Variants in EYS observed in about 807,000 individuals in gnomAD.
EYS encodes the protein protein eyes shut homolog.
Under a neutral mutation model 282.1 loss-of-function variants are expected in EYS, and 250 were observed. The ratio of observed to expected loss-of-function variants is 0.89; its 90% CI spans 0.80 to 0.98. EYS has a LOEUF of 0.98. Ranked by LOEUF, EYS falls within the 50% of genes least tolerant of loss-of-function variation. The pLI, the probability that EYS is intolerant of heterozygous loss-of-function variation, is 0.00. For missense variants in EYS, 4,016 were observed against 3,709.0 expected (o/e 1.08, Z -2.15); for synonymous variants, 1,355 against 1,282.9 (o/e 1.06, Z -1.20).
intron 19 of EYS, among the ~76,000 whole-genome samples, chr6:64,841,294 C>T (rs980475): frequency 0.56 from 84,684 of 151,834 alleles, 24,325 homozygotes; most frequent in Non-Finnish European, 0.62. Flanking sequence ...CCTAAATATG[C>T]AAATAAATGT....
intron 34 of EYS, among the ~76,000 whole-genome samples, chr6:63,988,636 T>C (rs1322524163): frequency 6.6e-6 from 1 of 151,654 alleles, no homozygotes; most frequent in Non-Finnish European, 1.5e-5. Context: ...GTCTTTAACA[T>C]AAGTCTTTTC....
intron 26 of EYS, among the ~76,000 whole-genome samples, chr6:64,519,998 A>G (rs2150524918): frequency 6.6e-6 from 1 of 151,998 alleles, no homozygotes; most frequent in Non-Finnish European, 1.5e-5. Flanking sequence ...TACTTCTACC[A>G]GAAGCATGGT....
chr6:64,686,940 C>T (rs1405725935), intron 22 of EYS, among the ~76,000 whole-genome samples: 1 of 119,690 alleles, frequency 8.4e-6, no homozygotes, highest in Admixed American at 9.0e-5. Flanking sequence ...TATATATACA[C>T]ATATATATAC....
chr6:64,632,969 G>A (rs1767841956), intron 22 of EYS, among the ~76,000 whole-genome samples: 1 of 152,136 alleles, frequency 6.6e-6, no homozygotes, highest in African/African-American at 2.4e-5. Context: ...ATTTTCAAAT[G>A]TGTAATTTAA....
At chr6:64,460,994 A>G (rs1200187333) in intron 26 of EYS, among the ~76,000 whole-genome samples, 1 of 152,356 alleles carries the variant, frequency 6.6e-6, no homozygotes, top group African/African-American at 2.4e-5. Flanking sequence ...ATAAAAAAGT[A>G]CATGTAATAT....
rs148325421 is a variant in EYS, at chr6:65,330,981, A to G, written c.1766+3999T>C. The G allele has an allele frequency of 6.9e-4, 680 of 984,362 alleles. 2 individuals carry two copies. In the African/African-American group the frequency reaches 9.8e-3, roughly 14 times the overall value. 61.0% of individuals were successfully genotyped at this position (984,362 alleles called of 1,614,324 possible). A position where few individuals can be genotyped will look rare whatever the true frequency, so the allele number is the denominator to read the frequency against. ...AATTTCTCATATATTGAGTTCCCGT[A>G]TATACTCGGGTTGTTGTCAGAGCTC... On this transcript the variant is annotated intron_variant, in intron 11 of 42. Transcript: ENST00000503581.
chr6:64,024,063 C>A (rs1294591939), intron 33 of EYS, among the ~76,000 whole-genome samples: 1 of 152,212 alleles, frequency 6.6e-6, no homozygotes, highest in Non-Finnish European at 1.5e-5. Flanking sequence ...CCGATGAGTG[C>A]CACCCCCTGC....
chr6:65,654,961 G>A lies in EYS; in HGVS notation c.-447-15069C>T, dbSNP rs192095741. Among the ~76,000 whole-genome samples, 257 of 130,346 alleles carry A rather than the reference G, an allele frequency of 2.0e-3. 1 individual carries two copies. In the Middle Eastern group the frequency reaches 0.036, roughly 18 times the overall value. 85.5% of individuals were successfully genotyped at this position (130,346 alleles called of 152,430 possible). A position where few individuals can be genotyped will look rare whatever the true frequency, so the allele number is the denominator to read the frequency against. On this transcript the variant is annotated intron_variant, in intron 1 of 42. Transcript: ENST00000503581. ...ATTAAAATGTGCTTGTCTTCCTGAAGAGTCTGGGTCATTCATTAAAAAAAA... is the reference window on the plus strand; with the variant it reads ...ATTAAAATGTGCTTGTCTTCCTGAAAAGTCTGGGTCATTCATTAAAAAAAA...
At chr6:65,335,525 A>C (rs1769955083) in intron 10 of EYS, among the ~76,000 whole-genome samples, 1 of 151,738 alleles carries the variant, frequency 6.6e-6, no homozygotes, top group East Asian at 1.9e-4. Flanking sequence ...GTTTATACAG[A>C]CAGGACATAA....
chr6:65,267,967 C>T (rs889520361), intron 12 of EYS, among the ~76,000 whole-genome samples: 1 of 149,588 alleles, frequency 6.7e-6, no homozygotes, highest in East Asian at 1.9e-4. Flanking sequence ...ACACACACAC[C>T]CACACACACA....
At chr6:64,267,614 T>G (rs1377436687) in intron 30 of EYS, among the ~76,000 whole-genome samples, 1 of 152,098 alleles carries the variant, frequency 6.6e-6, no homozygotes, top group East Asian at 1.9e-4. Context: ...TTAAAAATCT[T>G]GAAACAGAAG....
chr6:64,550,289 C>T (rs972900421), intron 26 of EYS, among the ~76,000 whole-genome samples: 1 of 152,170 alleles, frequency 6.6e-6, no homozygotes, highest in Non-Finnish European at 1.5e-5. Flanking sequence ...ATTTCTACTT[C>T]TAGATCCCTG....
intron 36 of EYS, among the ~76,000 whole-genome samples, chr6:63,858,856 T>C (rs557009181): frequency 3.7e-4 from 56 of 152,182 alleles, no homozygotes; most frequent in African/African-American, 1.3e-3. Context: ...AATTGCATGT[T>C]CTTGAAATAT....
intron 12 of EYS, among the ~76,000 whole-genome samples, chr6:65,236,544 G>A (rs1766929469): frequency 6.6e-6 from 1 of 152,052 alleles, no homozygotes; most frequent in Admixed American, 6.6e-5. Context: ...GGAGGTGGAG[G>A]TTGCAGTGAG....
chr6:64,417,711 C>A (rs1774101910), intron 28 of EYS, among the ~76,000 whole-genome samples: 1 of 131,168 alleles, frequency 7.6e-6, no homozygotes, highest in African/African-American at 2.9e-5. Context: ...CACTGTGTTG[C>A]CCAGGCTGGA....
At chr6:65,552,685 G>C (rs1156256902) in intron 2 of EYS, among the ~76,000 whole-genome samples, 1 of 152,084 alleles carries the variant, frequency 6.6e-6, no homozygotes, top group Non-Finnish European at 1.5e-5. Flanking sequence ...AAATGGATAA[G>C]ATGTTTATGT....
At chr6:64,894,672 G>C (rs1767398235) in intron 18 of EYS, among the ~76,000 whole-genome samples, 1 of 152,060 alleles carries the variant, frequency 6.6e-6, no homozygotes, top group Non-Finnish European at 1.5e-5. Context: ...GTATCTTTTT[G>C]AAGACTTCCT....
intron 12 of EYS, among the ~76,000 whole-genome samples, chr6:65,217,891 TA>T: frequency 6.6e-6 from 1 of 152,160 alleles, no homozygotes; most frequent in East Asian, 1.9e-4. Context: ...AAATATACAC[TA>T]AAAATATTCT....
At chr6:65,541,619 T>C (rs1343373415) in intron 2 of EYS, among the ~76,000 whole-genome samples, 1 of 151,938 alleles carries the variant, frequency 6.6e-6, no homozygotes, top group African/African-American at 2.4e-5. Flanking sequence ...TTTATCTGCC[T>C]TTCCAAGATT....
Sources: gnomAD v4.1 joint callset for allele counts (sites outside exome capture counted in the v4.1 genomes callset) on GRCh38, gnomAD v4.1.1 for gene constraint, MANE v1.5 for transcripts, NCBI Gene and HGNC (gene_info 2026-07-23, HGNC 2026-07-21) for gene names.